SGO1: variants seen among roughly 807,000 people sequenced by gnomAD.
SGO1 encodes the protein shugoshin 1.
Under a neutral mutation model 50.5 loss-of-function variants are expected in SGO1, and 39 were observed. That is an observed-to-expected ratio of 0.77 (90% CI 0.60 to 1.01). SGO1 has a LOEUF of 1.01. SGO1 is among the 50% of genes least tolerant of loss of function. The pLI is 0.00. For missense variants in SGO1, 638 were observed against 606.0 expected, an observed-to-expected ratio of 1.05 and a Z score of -0.55; for synonymous variants, 191 against 205.1, an observed-to-expected ratio of 0.93 and a Z score of 0.59.
rs144412205 is a variant in SGO1 at position 20,174,401 on chromosome 3, T to C, written c.1130A>G (p.Asp377Gly). The C allele has an allele frequency of 6.2e-7, 1 of 1,614,054 alleles. No homozygotes were observed. The highest frequency in any genetic ancestry group is 8.5e-7 in the Non-Finnish European group (1 of 1,180,038). Residue 377 changes from aspartate to glycine, a missense_variant, in exon 6 of 8, where the codon GAT (aspartate) becomes GGT (glycine). Asp to Gly is a moderately conservative substitution (Grantham distance 94). Transcript: ENST00000412997. The part of the protein sequence containing the change: ...SLCESSGSGD[D>G]SDDLYLPTCK... ...AGTGGGCAAATAGAGGTCATCGGAA[T>C]CATCTCCTGAACCACTTGATTCACA...
Position 20,169,889 on chromosome 3 carries a change from T to C in SGO1, c.*815A>G. 1 of 983,026 alleles carries C rather than the reference T, an allele frequency of 1.0e-6. No homozygotes were observed. Among genetic ancestry groups the C allele is most frequent in the Non-Finnish European group, 1.2e-6 (1 of 827,742 alleles). The allele number at this position is 983,026 out of a possible 1,614,324, so 60.9% of individuals were successfully genotyped here. On this transcript the variant is annotated 3_prime_UTR_variant, in exon 8 of 8. Coordinates refer to ENST00000412997, the MANE Select transcript of SGO1 (RefSeq NM_001199251.3). Reference sequence around the variant, plus strand: ...AAACAACTTAGGGTGTACCCTACTGTAAATGTCAAATATTTATTTTACTCG... The same window carrying C: ...AAACAACTTAGGGTGTACCCTACTGCAAATGTCAAATATTTATTTTACTCG...
intron 1 of SGO1, among the ~76,000 whole-genome samples, chr3:20,185,592 T>C (rs1702558917): frequency 6.6e-6 from 1 of 152,174 alleles, no homozygotes; most frequent in African/African-American, 2.4e-5. Flanking sequence ...AGGATACTAG[T>C]CAGTGCCGGC....
At chr3:20,169,370 C>A (rs541733138), downstream of SGO1, 1,088 of 984,698 alleles carry the variant, frequency 1.1e-3, no homozygotes, top group Non-Finnish European at 1.2e-3. Context: ...AACACCCCCC[C>A]CTCAAAAAAG....
At chr3:20,164,931 G>A (rs1055951042), downstream of SGO1, among the ~76,000 whole-genome samples, 1 of 152,040 alleles carries the variant, frequency 6.6e-6, no homozygotes, top group Non-Finnish European at 1.5e-5. Context: ...CTATACCTCA[G>A]GAATGAGGGC....
intron 3 of SGO1, among the ~76,000 whole-genome samples, chr3:20,180,926 A>C (rs1701945916): frequency 6.6e-6 from 1 of 152,228 alleles, no homozygotes; most frequent in Non-Finnish European, 1.5e-5. Flanking sequence ...CAGGAGCTCA[A>C]GACCAGCTTG....
chr3:20,177,792 C>T (rs761259555), intron 4 of SGO1, among the ~76,000 whole-genome samples: 1 of 151,976 alleles, frequency 6.6e-6, no homozygotes, highest in East Asian at 1.9e-4. Context: ...TACATTTGAT[C>T]CAAGAGAAGG....
At chr3:20,171,280 C>T (rs779874062) in intron 6 of SGO1, 48 bp from the exon 7 acceptor site, 2 of 1,437,566 alleles carry the variant, frequency 1.4e-6, no homozygotes, top group Non-Finnish European at 1.9e-6. Context: ...AAAACCCACA[C>T]AAAAACTTAA....
In SGO1 at chr3:20,178,309, A is replaced by G. The variant is rs551754128; in HGVS notation, c.378T>C (p.Ser126=). The G allele has an allele frequency of 1.2e-6, 2 of 1,613,020 alleles. No individual in the cohort carries two copies. The highest frequency in any genetic ancestry group is 1.7e-5 in the Admixed American group (1 of 60,020). ...EICSSGMDPN[S]DDSSRNLFVK... is the part of the protein sequence containing the mutation. ...CAAATAAATTTCTGGAGCTGTCATC[A>G]CTATTGGGGTCCATTCCAGAGGAAC... The change falls in exon 4 of 8, where the codon AGT becomes AGC. Residue 126 remains serine, a synonymous_variant. Coordinates refer to ENST00000412997, the MANE Select transcript of SGO1 (RefSeq NM_001199251.3).
intron 3 of SGO1, among the ~76,000 whole-genome samples, chr3:20,181,400 A>C (rs1329744852): frequency 6.6e-6 from 1 of 152,252 alleles, no homozygotes; most frequent in Non-Finnish European, 1.5e-5. Context: ...TTACATTTTA[A>C]GCTTCTCCAC....
At chr3:20,186,802 AT>A, upstream of SGO1, 1 of 152,160 alleles carries the variant, frequency 6.6e-6, no homozygotes, top group South Asian at 2.1e-4. Context: ...GTCCTTAATG[AT>A]TATTTATCCT....
downstream of SGO1, chr3:20,169,243 C>T (rs1700483109): frequency 1.0e-6 from 1 of 985,084 alleles, no homozygotes; most frequent in Non-Finnish European, 1.2e-6. Context: ...TAATCATGAA[C>T]TGGGAGATTA....
intron 6 of SGO1, among the ~76,000 whole-genome samples, chr3:20,172,011 G>A (rs1700796972): frequency 1.3e-5 from 2 of 152,320 alleles, no homozygotes; most frequent in South Asian, 4.1e-4. Flanking sequence ...TGAAATGATT[G>A]TATACTAAGA....
At chr3:20,168,398 C>G (rs1317653620), downstream of SGO1, among the ~76,000 whole-genome samples, 1 of 147,048 alleles carries the variant, frequency 6.8e-6, no homozygotes, top group African/African-American at 2.5e-5. Flanking sequence ...GTTAGTGCTT[C>G]TATCATTAAA....
At chr3:20,166,227 T>C (rs555703464), downstream of SGO1, among the ~76,000 whole-genome samples, 4 of 152,214 alleles carry the variant, frequency 2.6e-5, no homozygotes, top group African/African-American at 9.6e-5. Flanking sequence ...GGGAGGACAT[T>C]TGGAAATCAC....
intron 3 of SGO1, among the ~76,000 whole-genome samples, chr3:20,179,077 C>G (rs1701721318): frequency 6.6e-6 from 1 of 152,046 alleles, no homozygotes; most frequent in South Asian, 2.1e-4. Context: ...CTTGAGATGA[C>G]AGGTCAAGCT....
At chr3:20,186,409 C>G (rs868734900), upstream of SGO1, 28 of 152,332 alleles carry the variant, frequency 1.8e-4, no homozygotes, top group African/African-American at 5.3e-4. Flanking sequence ...CCGGGACTTT[C>G]TAATCAGAGT....
At chr3:20,171,833 A>C (rs1203940583) in intron 6 of SGO1, among the ~76,000 whole-genome samples, 1 of 152,232 alleles carries the variant, frequency 6.6e-6, no homozygotes, top group East Asian at 1.9e-4. Context: ...GCATGTAAAA[A>C]AGTTACTCAG....
chr3:20,181,501 T>C (rs1343231443), intron 3 of SGO1, among the ~76,000 whole-genome samples: 1 of 152,154 alleles, frequency 6.6e-6, no homozygotes, highest in East Asian at 1.9e-4. Context: ...TAGCAGAAAA[T>C]AGAAACAATG....
At chr3:20,171,861 A>G (rs1376293619) in intron 6 of SGO1, among the ~76,000 whole-genome samples, 1 of 152,214 alleles carries the variant, frequency 6.6e-6, no homozygotes, top group Non-Finnish European at 1.5e-5. Flanking sequence ...CCCATCATAA[A>G]CATCCAAGTT....
Sources: allele counts gnomAD v4.1 joint callset (sites outside exome capture counted in the v4.1 genomes callset), GRCh38; gene constraint gnomAD v4.1.1; transcripts MANE v1.5; gene names NCBI Gene and HGNC (gene_info 2026-07-23, HGNC 2026-07-21).